The following OTUD7A variants were observed in gnomAD, a reference collection of about 807,000 sequenced individuals.
The protein encoded by OTUD7A is OTU deubiquitinase 7A.
In OTUD7A, 12 loss-of-function variants were observed where a neutral mutation model predicts 65.7. The observed-to-expected ratio is 0.18, with a 90% confidence interval of 0.12 to 0.30. The LOEUF (loss-of-function observed/expected upper bound fraction) is 0.30. Among genes scored for constraint, OTUD7A ranks in the 10% least tolerant of loss-of-function variants. OTUD7A has a pLI of 1.00. For synonymous variants in OTUD7A, 641 were observed against 586.3 expected, an observed-to-expected ratio of 1.09 and a Z score of -1.35; for missense variants, 1,148 against 1,304.8, an observed-to-expected ratio of 0.88 and a Z score of 1.85.
intron 8 of OTUD7A, among the ~76,000 whole-genome samples, chr15:31,526,009 TCCAGA>T (rs2042006462): frequency 6.6e-6 from 1 of 152,214 alleles, no homozygotes; most frequent in Non-Finnish European, 1.5e-5. Context: ...ACGTGTGACC[TCCAGA>T]GGCCTGCTGT....
chr15:31,597,035 C>A (rs1474120402), intron 3 of OTUD7A, among the ~76,000 whole-genome samples: 2 of 152,182 alleles, frequency 1.3e-5, no homozygotes, highest in Non-Finnish European at 2.9e-5. Flanking sequence ...AGTAATCCTC[C>A]TGCCTCAGCC....
At position 31,484,329 on chromosome 15, in the gene OTUD7A, C is replaced by T. The variant is rs1011300378; in HGVS notation, c.1767G>A (p.Ser589=). 7 of 1,599,292 alleles carry T rather than the reference C, an allele frequency of 4.4e-6. No homozygotes were observed. Among genetic ancestry groups the T allele is most frequent in the Non-Finnish European group, 5.9e-6 (7 of 1,178,650 alleles). The change falls in exon 13 of 13, where the codon TCG becomes TCA. Residue 589 remains serine (S), a synonymous_variant. Transcript: ENST00000307050. This position sits in a 1 kb window ranked among gnomAD's most constrained non-coding sequence, Gnocchi z 4.5. ...KEESGASAST[S]PSEKTTPSPT... ...GCGACGGCGTGGTCTTTTCCGACGG[C>T]GACGTGCTGGCCGACGCACCAGACT...
intron 8 of OTUD7A, among the ~76,000 whole-genome samples, chr15:31,526,030 G>A (rs926297008): frequency 3.3e-5 from 5 of 152,224 alleles, no homozygotes; most frequent in Non-Finnish European, 5.9e-5. Flanking sequence ...GCTGTGCCCT[G>A]AAGGCGCACA....
chr15:31,644,542 C>A (rs1475799121), intron 3 of OTUD7A, among the ~76,000 whole-genome samples: 1 of 152,142 alleles, frequency 6.6e-6, no homozygotes, highest in East Asian at 1.9e-4. Context: ...GCAGTGTGAT[C>A]ATAGCTCACC....
In OTUD7A at chr15:31,766,554, G is replaced by A. The variant is rs958151186; in HGVS notation, c.-100+103953C>T. ...ACTTTCCATAGCTGTTTGCACACTT[G>A]TGCTGCCTTGTCCAACATTTGGTTT... On this transcript the variant is annotated intron_variant, in intron 1 of 12. Coordinates refer to ENST00000307050, the MANE Select transcript of OTUD7A (RefSeq NM_001382637.1). The A allele has an allele frequency of 9.9e-6, 16 of 1,613,066 alleles. No homozygotes were observed. In the South Asian group the frequency reaches 1.6e-4, roughly 17 times the overall value.
At chr15:31,762,606 A>G (rs1894996764) in intron 1 of OTUD7A, among the ~76,000 whole-genome samples, 1 of 152,252 alleles carries the variant, frequency 6.6e-6, no homozygotes, top group African/African-American at 2.4e-5. Flanking sequence ...GCTATCATCC[A>G]GGTCCCAGGC....
At chr15:31,619,066 T>C (rs1890689397) in intron 3 of OTUD7A, among the ~76,000 whole-genome samples, 1 of 152,196 alleles carries the variant, frequency 6.6e-6, no homozygotes, top group Non-Finnish European at 1.5e-5. Flanking sequence ...GTCAGGCTTG[T>C]CAAAGATCAG....
intron 3 of OTUD7A, among the ~76,000 whole-genome samples, chr15:31,596,113 C>T (rs4779544): frequency 0.32 from 48,291 of 151,912 alleles, 9,808 homozygotes; most frequent in African/African-American, 0.58. Flanking sequence ...AAAGTCCCTT[C>T]GCAGTGGTAA....
At chr15:31,867,374 CAGA>C (rs1897904409) in intron 1 of OTUD7A, among the ~76,000 whole-genome samples, 1 of 152,314 alleles carries the variant, frequency 6.6e-6, no homozygotes, top group South Asian at 2.1e-4. Context: ...GTGGCACCAT[CAGA>C]AGGTCAGAGG....
At chr15:31,643,318 T>C (rs956557540) in intron 3 of OTUD7A, among the ~76,000 whole-genome samples, 8 of 152,126 alleles carry the variant, frequency 5.3e-5, no homozygotes, top group Admixed American at 1.3e-4. Flanking sequence ...TTTACTTCTA[T>C]TTTTTTCTGT....
chr15:31,578,708 C>T (rs575414458), intron 3 of OTUD7A, among the ~76,000 whole-genome samples: 10 of 152,284 alleles, frequency 6.6e-5, no homozygotes, highest in South Asian at 6.2e-4. Context: ...CCTGCCACTA[C>T]GCCCAGCTAC....
At chr15:31,766,449 G>A in intron 1 of OTUD7A, 2 of 1,581,864 alleles carry the variant, frequency 1.3e-6, no homozygotes, top group Non-Finnish European at 1.7e-6. Context: ...AGAAGAAGCT[G>A]GAAGTAAAGA....
At chr15:31,682,886 T>C (rs1318064466) in intron 1 of OTUD7A, among the ~76,000 whole-genome samples, 1 of 152,168 alleles carries the variant, frequency 6.6e-6, no homozygotes, top group African/African-American at 2.4e-5. Flanking sequence ...TGCATGCGCA[T>C]GTGTGTATGA....
chr15:31,772,173 A>C, intron 1 of OTUD7A, among the ~76,000 whole-genome samples: 3 of 144,796 alleles, frequency 2.1e-5, no homozygotes, highest in Admixed American at 7.1e-5. Flanking sequence ...AATGGCGTGA[A>C]CCCGGGAGGC....
intron 1 of OTUD7A, among the ~76,000 whole-genome samples, chr15:31,810,810 G>A (rs984792189): frequency 4.6e-5 from 7 of 152,168 alleles, no homozygotes; most frequent in Admixed American, 2.0e-4. Context: ...GGCCCCTTCT[G>A]GAATTCTGTC....
At chr15:31,717,070 T>C (rs1893608045) in intron 1 of OTUD7A, among the ~76,000 whole-genome samples, 1 of 152,192 alleles carries the variant, frequency 6.6e-6, no homozygotes, top group South Asian at 2.1e-4. Flanking sequence ...TCTCTCCACA[T>C]ACAAGTCTGT....
intron 3 of OTUD7A, among the ~76,000 whole-genome samples, chr15:31,640,663 TTTC>T (rs2141261464): frequency 6.6e-6 from 1 of 152,158 alleles, no homozygotes; most frequent in African/African-American, 2.4e-5. Context: ...ATGTGAACTA[TTTC>T]TTAACTTTCC....
At chr15:31,768,261 C>T (rs540146390) in intron 1 of OTUD7A, 2 of 787,502 alleles carry the variant, frequency 2.5e-6, no homozygotes, top group South Asian at 1.4e-5. Flanking sequence ...GACCCAGCAG[C>T]CCGGGCAGCG....
At chr15:31,514,645 A>G (rs1009905918) in intron 8 of OTUD7A, among the ~76,000 whole-genome samples, 11 of 152,156 alleles carry the variant, frequency 7.2e-5, no homozygotes, top group African/African-American at 2.7e-4. Flanking sequence ...GTCTTCCCAT[A>G]TGTCAGCCAT....
Sources: gnomAD v4.1 joint callset for allele counts (sites outside exome capture counted in the v4.1 genomes callset) on GRCh38, gnomAD v4.1.1 for gene constraint, Gnocchi (gnomAD v3.1) non-coding constraint, MANE v1.5 for transcripts, NCBI Gene and HGNC (gene_info 2026-07-23, HGNC 2026-07-21) for gene names.